Variants in POLA2 observed in about 807,000 individuals in gnomAD.
POLA2 encodes DNA polymerase alpha 2, accessory subunit, also known as DNA polymerase alpha subunit B.
A neutral mutation model predicts 82.8 loss-of-function variants in POLA2; 47 were observed. That is an observed-to-expected ratio of 0.57 (90% confidence interval 0.45 to 0.72). POLA2 has a LOEUF of 0.72. Among genes scored for constraint, POLA2 ranks in the 30% least tolerant of loss-of-function variants. The pLI is 0.00. For synonymous variants in POLA2, 287 were observed against 286.8 expected (o/e 1.00, Z -0.01); for missense variants, 634 against 728.1 (o/e 0.87, Z 1.49).
intron 4 of POLA2, among the ~76,000 whole-genome samples, chr11:65,271,852 A>AC (rs1949525042): frequency 6.6e-6 from 1 of 152,136 alleles, no homozygotes; most frequent in East Asian, 1.9e-4. Context: ...AAAAAAAAAA[A>AC]AAAAAAGTTT....
At chr11:65,277,077 C>T (rs980628345) in intron 5 of POLA2, among the ~76,000 whole-genome samples, 26 of 152,080 alleles carry the variant, frequency 1.7e-4, no homozygotes, top group Non-Finnish European at 4.4e-5. Flanking sequence ...GCATGTGCCA[C>T]TGCTCTCGGC....
At chr11:65,300,706 C>G (rs113828083), downstream of POLA2, among the ~76,000 whole-genome samples, 2,099 of 152,320 alleles carry the variant, frequency 0.014, 41 homozygotes, top group African/African-American at 0.048. Context: ...CCTCAGCCTC[C>G]TGTGTAGCTG....
At chr11:65,287,876 C>G (rs763158313) in intron 11 of POLA2, 36 bp downstream of exon 11, 6 of 1,596,684 alleles carry the variant, frequency 3.8e-6, no homozygotes, top group Non-Finnish European at 5.1e-6. Flanking sequence ...AGGAGTCAGC[C>G]TTGGAAAATG....
chr11:65,279,478 C>G, intron 6 of POLA2, 60 bp from the exon 7 acceptor site: 1 of 1,097,616 alleles, frequency 9.1e-7, no homozygotes, highest in Admixed American at 2.1e-5. Context: ...GCTGTATTTT[C>G]TCTTCTTGGC....
intron 4 of POLA2, among the ~76,000 whole-genome samples, chr11:65,269,765 A>T (rs570025582): frequency 1.3e-5 from 2 of 152,244 alleles, no homozygotes; most frequent in African/African-American, 2.4e-5. Context: ...AGTAAACTAC[A>T]TCATAAGAAA....
At chr11:65,304,557 C>T (rs566855560) in intron 8 of POLA2, among the ~76,000 whole-genome samples, 1 of 152,298 alleles carries the variant, frequency 6.6e-6, no homozygotes, top group Admixed American at 6.5e-5. Context: ...ATGACAACGC[C>T]ACGGAGAGGT....
At chr11:65,287,526 C>T (rs1267433822) in intron 10 of POLA2, 190 bp from the exon 11 acceptor site, 2 of 408,920 alleles carry the variant, frequency 4.9e-6, no homozygotes, top group Admixed American at 8.5e-5. Context: ...CTGCCTGTCT[C>T]TGTCTCTATC....
At chr11:65,295,339 G>A (rs933068162) in intron 15 of POLA2, among the ~76,000 whole-genome samples, 1 of 152,076 alleles carries the variant, frequency 6.6e-6, no homozygotes, top group African/African-American at 2.4e-5. Context: ...TTCTCAACCT[G>A]GTGTCCTGCG....
intron 14 of POLA2, 118 bp from the exon 15 acceptor site, chr11:65,294,427 TA>T: frequency 2.0e-6 from 2 of 980,768 alleles, no homozygotes; most frequent in South Asian, 1.4e-5. Context: ...AAGCTTGATG[TA>T]TGTTGGTTTG....
chr11:65,301,462 T>C (rs889113596), downstream of POLA2, among the ~76,000 whole-genome samples: 1 of 150,890 alleles, frequency 6.6e-6, no homozygotes, highest in South Asian at 2.1e-4. Context: ...CCTGGGTCTG[T>C]TGGGGCAGGT....
At position 65,278,825 on chromosome 11, in the gene POLA2, G is replaced by A. The variant is rs781657287; in HGVS notation, c.557G>A (p.Gly186Glu). ...LAQGVSWSGR[G>E]GAGNISLKVL... Reference sequence around the variant, plus strand: ...CAGGGAGTATCTTGGTCTGGGAGAGGAGGAGCTGGAAACATCAGCCTGAAG... The same window carrying A: ...CAGGGAGTATCTTGGTCTGGGAGAGAAGGAGCTGGAAACATCAGCCTGAAG... Residue 186 changes from glycine (G) to glutamate (E), a missense_variant, in exon 6 of 18, where the codon GGA becomes GAA. Physicochemically the swap from Gly to Glu is moderately conservative, Grantham distance 98. Transcript: ENST00000265465. 23 of 1,613,748 alleles carry A rather than the reference G, an allele frequency of 1.4e-5. No homozygotes were observed. Among genetic ancestry groups the A allele is most frequent in the Non-Finnish European group, 8.5e-6 (10 of 1,180,038 alleles).
At chr11:65,295,659 G>A (rs746246696) in intron 16 of POLA2, 60 bp downstream of exon 16, 65 of 1,453,744 alleles carry the variant, frequency 4.5e-5, no homozygotes, top group Non-Finnish European at 6.1e-5. Flanking sequence ...ATGGAGCTAT[G>A]ACAAGCATGA....
chr11:65,267,435 C>A (rs1459845293), intron 2 of POLA2, 42 bp from the exon 3 acceptor site: 2 of 1,230,428 alleles, frequency 1.6e-6, no homozygotes. Context: ...TCTGCTATTA[C>A]TTGACTATGA....
At chr11:65,292,506 A>T (rs951257891) in intron 13 of POLA2, among the ~76,000 whole-genome samples, 2 of 152,190 alleles carry the variant, frequency 1.3e-5, no homozygotes, top group Non-Finnish European at 2.9e-5. Flanking sequence ...AGCCAGCTGC[A>T]CCTCAGTCCT....
chr11:65,280,884 A>G (rs146538836), intron 7 of POLA2, 108 bp from the exon 8 acceptor site: 11 of 1,092,928 alleles, frequency 1.0e-5, no homozygotes, highest in African/African-American at 6.3e-5. Context: ...CCTGCCAAGA[A>G]ATGTATTTGT....
downstream of POLA2, among the ~76,000 whole-genome samples, chr11:65,302,103 T>C (rs570064581): frequency 6.6e-6 from 1 of 152,098 alleles, no homozygotes; most frequent in Non-Finnish European, 1.5e-5. Flanking sequence ...CTGCTGCCCA[T>C]AACCTTGCTG....
chr11:65,279,457 T>A (rs894593071), intron 6 of POLA2, 81 bp from the exon 7 acceptor site: 6 of 889,858 alleles, frequency 6.7e-6, no homozygotes, highest in Middle Eastern at 2.2e-4. Context: ...GACTTTAATA[T>A]TTTACAATGT....
downstream of POLA2, among the ~76,000 whole-genome samples, chr11:65,305,760 G>GCA (rs1949884437): frequency 1.3e-5 from 2 of 152,268 alleles, no homozygotes; most frequent in Admixed American, 1.3e-4. Flanking sequence ...AATGTATTCC[G>GCA]CAGCAGCGCT....
chr11:65,296,549 GT>G (rs143725388), intron 17 of POLA2: 3,152 of 158,956 alleles, frequency 0.02, 120 homozygotes, highest in African/African-American at 0.071. Flanking sequence ...GCTAGATCAG[GT>G]TTGTCTCCAA....
Sources: gnomAD v4.1 joint callset for allele counts (sites outside exome capture counted in the v4.1 genomes callset) on GRCh38, gnomAD v4.1.1 for gene constraint, MANE v1.5 for transcripts, NCBI Gene and HGNC (gene_info 2026-07-23, HGNC 2026-07-21) for gene names.